CADPS: variants seen among roughly 807,000 people sequenced by gnomAD.
CADPS encodes the protein calcium dependent secretion activator.
In CADPS, 57 loss-of-function variants were observed where a neutral mutation model predicts 167.3. The observed-to-expected ratio is 0.34, with a 90% CI of 0.28 to 0.42. CADPS has a LOEUF of 0.42. Ranked by LOEUF, CADPS falls within the 20% of genes least tolerant of loss-of-function variation. CADPS has a pLI of 1.00. For missense variants in CADPS, 1,414 were observed against 1,738.1 expected (o/e 0.81, Z 3.32); for synonymous variants, 676 against 635.3 (o/e 1.06, Z -0.96).
chr3:62,779,434 C>A, intron 1 of CADPS: 1 of 515,208 alleles, frequency 1.9e-6, no homozygotes, highest in South Asian at 1.6e-5. Context: ...CTTGATTATT[C>A]TGTTCCTCAT....
intron 13 of CADPS, among the ~76,000 whole-genome samples, chr3:62,520,589 AAAAC>A (rs765214335): frequency 6.6e-5 from 10 of 152,116 alleles, no homozygotes; most frequent in Admixed American, 2.0e-4. Flanking sequence ...TATTTTAAAT[AAAAC>A]AAACTAACTT....
chr3:62,408,784 A>T (rs554705654), intron 28 of CADPS, among the ~76,000 whole-genome samples: 2 of 152,220 alleles, frequency 1.3e-5, no homozygotes, highest in African/African-American at 4.8e-5. Flanking sequence ...AGTGGAAACA[A>T]GGAGTAGTGG....
chr3:62,793,550 T>C (rs901368779), intron 1 of CADPS, among the ~76,000 whole-genome samples: 3 of 152,226 alleles, frequency 2.0e-5, no homozygotes, highest in Non-Finnish European at 4.4e-5. Flanking sequence ...GGAAAATGAC[T>C]GTACCAAGTA....
intron 1 of CADPS, among the ~76,000 whole-genome samples, chr3:62,793,526 T>C (rs2093133387): frequency 6.6e-6 from 1 of 152,202 alleles, no homozygotes; most frequent in South Asian, 2.1e-4. Flanking sequence ...GACCTTTTGA[T>C]ATAAACCACT....
chr3:62,537,391 A>T (rs962930634), intron 11 of CADPS, among the ~76,000 whole-genome samples: 1 of 152,164 alleles, frequency 6.6e-6, no homozygotes, highest in Non-Finnish European at 1.5e-5. Flanking sequence ...CAACATGTGT[A>T]ACTAAAATAC....
At chr3:62,504,199 A>G (rs536757508) in intron 17 of CADPS, among the ~76,000 whole-genome samples, 7 of 152,220 alleles carry the variant, frequency 4.6e-5, no homozygotes, top group East Asian at 1.9e-4. Flanking sequence ...ATTGTTTGGG[A>G]AAAAAATGTG....
At chr3:62,649,270 C>T (rs1030674255) in intron 5 of CADPS, among the ~76,000 whole-genome samples, 1 of 152,030 alleles carries the variant, frequency 6.6e-6, no homozygotes, top group South Asian at 2.1e-4. Context: ...AGGGCTGCAT[C>T]CTGTCTAGAA....
At chr3:62,416,792 C>G (rs1370740433) in intron 28 of CADPS, among the ~76,000 whole-genome samples, 1 of 151,982 alleles carries the variant, frequency 6.6e-6, no homozygotes, top group Non-Finnish European at 1.5e-5. Flanking sequence ...GTGGGCTAAA[C>G]ACAGACAGGA....
chr3:62,416,044 T>G (rs2049999916), intron 28 of CADPS, among the ~76,000 whole-genome samples: 1 of 152,216 alleles, frequency 6.6e-6, no homozygotes, highest in Admixed American at 6.5e-5. Context: ...TGCTTCAGAA[T>G]GCGGGTTTTC....
chr3:62,700,696 C>T (rs2081227206), intron 3 of CADPS, among the ~76,000 whole-genome samples: 1 of 152,078 alleles, frequency 6.6e-6, no homozygotes, highest in African/African-American at 2.4e-5. Flanking sequence ...TTAATTGTCA[C>T]AGCGACTCTA....
At chr3:62,656,469 T>G (rs1225068175) in intron 4 of CADPS, among the ~76,000 whole-genome samples, 1 of 152,082 alleles carries the variant, frequency 6.6e-6, no homozygotes, top group Non-Finnish European at 1.5e-5. Flanking sequence ...CCTAGCAGAG[T>G]TTTTGTTCTT....
intron 28 of CADPS, among the ~76,000 whole-genome samples, chr3:62,429,452 G>A (rs1404377461): frequency 1.3e-5 from 2 of 152,178 alleles, no homozygotes; most frequent in East Asian, 3.8e-4. Flanking sequence ...TCTAGGTATT[G>A]ATCGTGAAAT....
intron 6 of CADPS, among the ~76,000 whole-genome samples, chr3:62,599,422 A>G (rs1191658960): frequency 7.0e-6 from 1 of 143,588 alleles, no homozygotes; most frequent in Non-Finnish European, 1.5e-5. Context: ...TTGGGCTTCA[A>G]ACTCAGAGTT....
chr3:62,745,128 G>C (rs1033357879), intron 3 of CADPS, among the ~76,000 whole-genome samples: 1 of 152,070 alleles, frequency 6.6e-6, no homozygotes, highest in African/African-American at 2.4e-5. Flanking sequence ...TGTCACCCAG[G>C]CTGGAGTGCA....
Position 62,465,673 on chromosome 3 carries a change from A to T in CADPS, c.3553-223T>A, listed in dbSNP as rs1157074109. Among the ~76,000 whole-genome samples, 1 of 152,228 alleles carries T rather than the reference A, an allele frequency of 6.6e-6. No individual in the cohort carries two copies. The highest frequency in any genetic ancestry group is 1.5e-5 in the Non-Finnish European group (1 of 68,040). ...CATTATTATGTGATTGCAAATATAG[A>T]GTGTTACAGAAGTGCAAAGTGACAA... On this transcript the variant is annotated intron_variant, in intron 25 of 29. Transcript: ENST00000383710. The surrounding 1 kb of genome is among the most constrained non-coding windows in gnomAD (Gnocchi z 4.1).
chr3:62,786,776 GAA>G (rs1395245711), intron 1 of CADPS, among the ~76,000 whole-genome samples: 3 of 151,914 alleles, frequency 2.0e-5, no homozygotes, highest in Admixed American at 2.0e-4. Context: ...AAGTTTTAAA[GAA>G]ATTTTCAAAA....
chr3:62,482,886 T>C (rs1448648421), intron 21 of CADPS, among the ~76,000 whole-genome samples: 1 of 152,206 alleles, frequency 6.6e-6, no homozygotes, highest in South Asian at 2.1e-4. Flanking sequence ...AGCCTTTTGT[T>C]TTTGGACAAA....
Position 62,499,195 on chromosome 3 carries a change from T to A in CADPS, c.2673A>T (p.Glu891Asp). The change falls in exon 18 of 30, where the codon GAA becomes GAT. Residue 891 changes from glutamate to aspartate, a missense_variant. By Grantham distance (45) the Glu-to-Asp change is conservative. Coordinates refer to ENST00000383710, the MANE Select transcript of CADPS (RefSeq NM_003716.4). Reference protein sequence around the residue: ...DTIRLAELVIEVLQQNEEHHA... With the variant: ...DTIRLAELVIDVLQQNEEHHA... ...GGTGCTCCTCATTTTGCTGAAGAAC[T>A]TCAATGACTAGTTCAGCAAGACGTA... The A allele has an allele frequency of 6.2e-7, 1 of 1,613,716 alleles. No homozygotes were observed. Among genetic ancestry groups the A allele is most frequent in the Non-Finnish European group, 8.5e-7 (1 of 1,179,638 alleles).
intron 28 of CADPS, among the ~76,000 whole-genome samples, chr3:62,417,587 A>G (rs1036286038): frequency 5.9e-5 from 9 of 152,114 alleles, no homozygotes; most frequent in Admixed American, 2.0e-4. Flanking sequence ...ACCTGGCCAG[A>G]ACAGAAGAAC....
Sources: allele counts gnomAD v4.1 joint callset (sites outside exome capture counted in the v4.1 genomes callset), GRCh38; gene constraint gnomAD v4.1.1; non-coding constraint Gnocchi (gnomAD v3.1); transcripts MANE v1.5; gene names NCBI Gene and HGNC (gene_info 2026-07-23, HGNC 2026-07-21).